Variants in CRPPA observed in about 807,000 individuals in gnomAD.
The protein encoded by CRPPA is D-ribitol-5-phosphate cytidylyltransferase.
Under a neutral mutation model 52.0 loss-of-function variants are expected in CRPPA, and 43 were observed. That is an observed-to-expected ratio of 0.83 (90% CI 0.65 to 1.07). The LOEUF is 1.07. CRPPA is among the 50% of genes least tolerant of loss of function. The probability of loss-of-function intolerance (pLI) is 0.00; values close to 1 mark genes in which losing one functional copy is unlikely to be tolerated. For synonymous variants in CRPPA, 250 were observed against 203.5 expected (o/e 1.23, Z -1.94); for missense variants, 629 against 551.7 (o/e 1.14, Z -1.40).
chr7:16,240,713 T>A (rs1258975043), intron 8 of CRPPA, among the ~76,000 whole-genome samples: 2 of 152,126 alleles, frequency 1.3e-5, no homozygotes, highest in African/African-American at 4.8e-5. Context: ...AGCTCTTTTG[T>A]TTGATATGAA....
intron 9 of CRPPA, among the ~76,000 whole-genome samples, chr7:16,178,132 T>C (rs1027489719): frequency 7.2e-5 from 11 of 151,982 alleles, no homozygotes; most frequent in African/African-American, 2.4e-4. Context: ...TAAAGGCAAC[T>C]ACGTGGTCTT....
chr7:16,183,779 G>A (rs1781454904), intron 9 of CRPPA, among the ~76,000 whole-genome samples: 2 of 152,058 alleles, frequency 1.3e-5, no homozygotes, highest in Non-Finnish European at 2.9e-5. Flanking sequence ...CTCAAAGGAA[G>A]GTGCCTAAGA....
intron 2 of CRPPA, among the ~76,000 whole-genome samples, chr7:16,395,550 A>G (rs1330057509): frequency 6.6e-6 from 1 of 152,230 alleles, no homozygotes; most frequent in Non-Finnish European, 1.5e-5. Flanking sequence ...GAATACTTCT[A>G]ATCTCCTTCT....
chr7:16,280,978 C>T (rs1000702721), intron 5 of CRPPA, among the ~76,000 whole-genome samples: 2 of 152,158 alleles, frequency 1.3e-5, no homozygotes, highest in Admixed American at 6.5e-5. Context: ...CAAGATCACG[C>T]CACTACACTC....
chr7:16,242,533 C>A (rs974366474), intron 8 of CRPPA, among the ~76,000 whole-genome samples: 12 of 152,216 alleles, frequency 7.9e-5, no homozygotes, highest in African/African-American at 2.9e-4. Context: ...CCCGTAAATG[C>A]AACGAACAGA....
rs146151268 is a variant in CRPPA, at chr7:16,175,534, C to T, written c.1251+40532G>A. On this transcript the variant is annotated intron_variant, in intron 9 of 9. Coordinates refer to ENST00000407010, the MANE Select transcript of CRPPA (RefSeq NM_001101426.4). ...ATTCACACTCTTCTCCATCTTGTGT[C>T]GCTGTGACTATAACCACTGAAGGGC... is the stretch of plus-strand genomic sequence containing the variant. Among the ~76,000 whole-genome samples the T allele has an allele frequency of 7.2e-5, 11 of 152,226 alleles. No individual in the cohort carries two copies. In the East Asian group the frequency reaches 7.7e-4, roughly 11 times the overall value.
Position 16,239,559 on chromosome 7 carries a change from C to CAAAAAAAAAA in CRPPA, c.1119+18821_1119+18830dup, listed in dbSNP as rs751232682. Among the ~76,000 whole-genome samples, 9 of 47,614 alleles carry CAAAAAAAAAA rather than the reference C, an allele frequency of 1.9e-4. 1 individual carries two copies. The highest frequency in any genetic ancestry group is 5.3e-4 in the African/African-American group (7 of 13,286). The allele number at this position is 47,614 out of a possible 152,430, so 31.2% of individuals were successfully genotyped here. A position where few individuals can be genotyped will look rare whatever the true frequency, so the allele number is the denominator to read the frequency against. On this transcript the variant is annotated intron_variant, in intron 8 of 9. Transcript: ENST00000407010. ...CCATTATTTAAATAGAAGTCAATAGCAAAAAAAAAAAAAAAAAAAAAAAAA... is the reference window on the plus strand; with the variant it reads ...CCATTATTTAAATAGAAGTCAATAGCAAAAAAAAAAAAAAAAAAAAAAAAAAAAAAAAAAA...
intron 3 of CRPPA, among the ~76,000 whole-genome samples, chr7:16,311,081 T>C (rs1785024775): frequency 6.6e-6 from 1 of 152,124 alleles, no homozygotes; most frequent in Non-Finnish European, 1.5e-5. Flanking sequence ...AAGATTTCCA[T>C]ATACCCTCAA....
At chr7:16,348,132 C>T (rs1337811309) in intron 3 of CRPPA, among the ~76,000 whole-genome samples, 1 of 152,128 alleles carries the variant, frequency 6.6e-6, no homozygotes, top group Non-Finnish European at 1.5e-5. Flanking sequence ...TGCTGGCAAC[C>T]TGAGCAGCAG....
intron 9 of CRPPA, among the ~76,000 whole-genome samples, chr7:16,180,360 A>G (rs1475537858): frequency 1.3e-5 from 2 of 152,152 alleles, no homozygotes; most frequent in Non-Finnish European, 2.9e-5. Context: ...ATAACTCTTA[A>G]TTAGTAACAA....
intron 9 of CRPPA, among the ~76,000 whole-genome samples, chr7:16,183,753 G>A (rs530715231): frequency 3.5e-4 from 53 of 152,148 alleles, no homozygotes; most frequent in African/African-American, 1.1e-3. Context: ...CTGCCCCGTT[G>A]ATAGAACAGA....
At chr7:16,393,678 G>A (rs2128315255) in intron 2 of CRPPA, among the ~76,000 whole-genome samples, 1 of 151,860 alleles carries the variant, frequency 6.6e-6, no homozygotes, top group East Asian at 1.9e-4. Context: ...TTTTAAACCA[G>A]GCAAAAACAA....
intron 4 of CRPPA, among the ~76,000 whole-genome samples, chr7:16,302,763 G>T (rs1784817643): frequency 6.6e-6 from 1 of 152,172 alleles, no homozygotes; most frequent in South Asian, 2.1e-4. Flanking sequence ...TGGCCCCTGA[G>T]GCTCTAGTGA....
chr7:16,319,160 T>G (rs1785205551), intron 3 of CRPPA, among the ~76,000 whole-genome samples: 1 of 152,178 alleles, frequency 6.6e-6, no homozygotes, highest in Non-Finnish European at 1.5e-5. Flanking sequence ...TATACAACTC[T>G]GTTGCCCTGG....
chr7:16,153,960 C>T (rs1348104516), intron 9 of CRPPA, among the ~76,000 whole-genome samples: 2 of 151,348 alleles, frequency 1.3e-5, no homozygotes, highest in Non-Finnish European at 2.9e-5. Context: ...TAATCCAAAA[C>T]TACAATTACA....
chr7:16,241,510 T>C (rs1783107637), intron 8 of CRPPA, among the ~76,000 whole-genome samples: 2 of 152,190 alleles, frequency 1.3e-5, no homozygotes, highest in African/African-American at 2.4e-5. Context: ...CGATTAACTA[T>C]TTTATCAAGT....
intron 2 of CRPPA, among the ~76,000 whole-genome samples, chr7:16,392,592 T>G (rs901192630): frequency 4.6e-5 from 7 of 152,154 alleles, no homozygotes; most frequent in African/African-American, 1.7e-4. Flanking sequence ...CGGAGACCAG[T>G]TATTAAATGC....
At chr7:16,214,668 C>T (rs963331747) in intron 9 of CRPPA, among the ~76,000 whole-genome samples, 1 of 152,228 alleles carries the variant, frequency 6.6e-6, no homozygotes, top group Admixed American at 6.5e-5. Context: ...CCATGCCTGG[C>T]TAATTTTTTA....
chr7:16,256,768 T>TG (rs1562590343), intron 8 of CRPPA, among the ~76,000 whole-genome samples: 1 of 150,342 alleles, frequency 6.7e-6, no homozygotes, highest in Non-Finnish European at 1.5e-5. Context: ...TGTTGGGGAG[T>TG]GGGGGGCTGG....
Sources: gnomAD v4.1 joint callset for allele counts (sites outside exome capture counted in the v4.1 genomes callset) on GRCh38, gnomAD v4.1.1 for gene constraint, MANE v1.5 for transcripts, NCBI Gene and HGNC (gene_info 2026-07-23, HGNC 2026-07-21) for gene names.